The following ZDHHC2 variants were observed in gnomAD, a reference collection of about 807,000 sequenced individuals.
ZDHHC2 encodes palmitoyltransferase ZDHHC2.
In ZDHHC2, 51 loss-of-function variants were observed where a neutral mutation model predicts 55.6. The observed-to-expected ratio is 0.92, with a 90% CI of 0.73 to 1.16. The LOEUF (loss-of-function observed/expected upper bound fraction) is 1.16. ZDHHC2 is among the 50% of genes most tolerant of loss of function. ZDHHC2 has a pLI of 0.00. For synonymous variants in ZDHHC2, 199 were observed against 152.9 expected (o/e 1.30, Z -2.22); for missense variants, 491 against 442.4 (o/e 1.11, Z -0.99).
intron 6 of ZDHHC2, among the ~76,000 whole-genome samples, chr8:17,200,922 C>G (rs1020480287): frequency 2.6e-5 from 4 of 152,206 alleles, no homozygotes; most frequent in Admixed American, 6.5e-5. Context: ...GCGGCATCCA[C>G]TGTCTCCACC....
chr8:17,222,424 A>G lies in ZDHHC2; in HGVS notation c.*2203A>G, dbSNP rs1460195125. 2 of 151,862 alleles carry G rather than the reference A, an allele frequency of 1.3e-5. No homozygotes were observed. Among genetic ancestry groups the G allele is most frequent in the Non-Finnish European group, 2.9e-5 (2 of 67,798 alleles). The allele number at this position is 151,862 out of a possible 1,614,324, so 9.4% of individuals were successfully genotyped here. A position where few individuals can be genotyped will look rare whatever the true frequency, so the allele number is the denominator to read the frequency against. On this transcript the variant is annotated 3_prime_UTR_variant, in exon 13 of 13. Coordinates refer to ENST00000262096, the MANE Select transcript of ZDHHC2 (RefSeq NM_016353.5). ...ATTTACCTTTAAGTATTTACTTTAA[A>G]AAATTTAATGGCTTAACTCGAACTT...
chr8:17,168,935 G>A (rs1804730603), intron 1 of ZDHHC2, among the ~76,000 whole-genome samples: 1 of 152,118 alleles, frequency 6.6e-6, no homozygotes, highest in African/African-American at 2.4e-5. Flanking sequence ...TCCATTAATG[G>A]GGGTTTGAGT....
Position 17,217,165 on chromosome 8 carries a change from C to A in ZDHHC2, c.1064-7C>A, listed in dbSNP as rs768824237. On this transcript the variant is annotated splice_polypyrimidine_tract_variant and splice_region_variant and intron_variant, in intron 11 of 12. Coordinates refer to ENST00000262096, the MANE Select transcript of ZDHHC2 (RefSeq NM_016353.5). Reference sequence around the variant, plus strand: ...CCAAAAATGCTAACTTATGTGCTTTCATTAAGGTATGAGCAATCCTGCATT... The same window carrying A: ...CCAAAAATGCTAACTTATGTGCTTTAATTAAGGTATGAGCAATCCTGCATT... 3 of 1,610,582 alleles carry A rather than the reference C, an allele frequency of 1.9e-6. No individual in the cohort carries two copies. The highest frequency in any genetic ancestry group is 2.7e-5 in the African/African-American group (2 of 74,860).
At chr8:17,190,608 C>T (rs756452142) in intron 3 of ZDHHC2, among the ~76,000 whole-genome samples, 4 of 151,752 alleles carry the variant, frequency 2.6e-5, no homozygotes, top group East Asian at 1.9e-4. Flanking sequence ...GTAATACAAC[C>T]GCACTAAATT....
intron 6 of ZDHHC2, among the ~76,000 whole-genome samples, chr8:17,203,475 C>G (rs1806917689): frequency 6.6e-6 from 1 of 152,154 alleles, no homozygotes; most frequent in Non-Finnish European, 1.5e-5. Context: ...CTCAGGCGAT[C>G]TGCCTGCCTC....
intron 2 of ZDHHC2, among the ~76,000 whole-genome samples, chr8:17,185,046 G>T (rs921309902): frequency 1.3e-5 from 2 of 152,266 alleles, no homozygotes; most frequent in Middle Eastern, 3.4e-3. Flanking sequence ...AGGCTTTGAG[G>T]TATAGGGATA....
intron 7 of ZDHHC2, among the ~76,000 whole-genome samples, chr8:17,207,751 A>T (rs1807173462): frequency 6.6e-6 from 1 of 151,978 alleles, no homozygotes; most frequent in Non-Finnish European, 1.5e-5. Context: ...TTTTAATATC[A>T]TTTTCATATA....
At chr8:17,176,297 C>A (rs1469048541) in intron 1 of ZDHHC2, among the ~76,000 whole-genome samples, 1 of 151,784 alleles carries the variant, frequency 6.6e-6, no homozygotes. Context: ...AAACTGAAAA[C>A]CCTGTGTTTG....
chr8:17,162,125 G>A (rs1179255867), intron 1 of ZDHHC2, among the ~76,000 whole-genome samples: 1 of 152,202 alleles, frequency 6.6e-6, no homozygotes, highest in African/African-American at 2.4e-5. Context: ...TCTGCTTAAT[G>A]CTTTTTTGGT....
rs1454074865 is a variant in ZDHHC2, at chr8:17,224,539, AATT to A, written c.*4323_*4325del. Reference sequence around the variant, plus strand: ...GTACAAGGAGCTGAATCCTACCTGAAATTATTAATGCTTAATATATTGCTTCTG... The same window carrying A: ...GTACAAGGAGCTGAATCCTACCTGAAATTAATGCTTAATATATTGCTTCTG... On this transcript the variant is annotated 3_prime_UTR_variant, in exon 13 of 13. Transcript: ENST00000262096. The A allele has an allele frequency of 1.3e-5, 2 of 151,770 alleles. No individual in the cohort carries two copies. Among genetic ancestry groups the A allele is most frequent in the Admixed American group, 6.6e-5 (1 of 15,206 alleles). 9.4% of individuals were successfully genotyped at this position (151,770 alleles called of 1,614,324 possible). A position where few individuals can be genotyped will look rare whatever the true frequency, so the allele number is the denominator to read the frequency against.
At position 17,210,406 on chromosome 8, in the gene ZDHHC2, C is replaced by T; in HGVS notation, c.876C>T (p.Ser292=). Residue 292 remains serine, a synonymous_variant, in exon 10 of 13, where the codon TCC becomes TCT. Coordinates refer to ENST00000262096, the MANE Select transcript of ZDHHC2 (RefSeq NM_016353.5). Reference sequence around the variant, plus strand: ...ATTCTAGTCTAGGTGATGGCTGCTCCTTTCCAACTTGCCTTGTTAACCAGG... The same window carrying T: ...ATTCTAGTCTAGGTGATGGCTGCTCTTTTCCAACTTGCCTTGTTAACCAGG... ...PIFSSLGDGC[S]FPTCLVNQDP... 6.2e-7 allele frequency: 1 copy of T among 1,613,314 alleles called. No homozygotes were observed. Among genetic ancestry groups the T allele is most frequent in the Non-Finnish European group, 8.5e-7 (1 of 1,179,600 alleles).
At chr8:17,175,956 G>A (rs1805105131) in intron 1 of ZDHHC2, among the ~76,000 whole-genome samples, 1 of 152,182 alleles carries the variant, frequency 6.6e-6, no homozygotes. Flanking sequence ...AGCTCAGTGT[G>A]GCTGCAGCTT....
intron 12 of ZDHHC2, among the ~76,000 whole-genome samples, chr8:17,218,783 T>A (rs1807767852): frequency 6.6e-6 from 1 of 152,222 alleles, no homozygotes; most frequent in African/African-American, 2.4e-5. Flanking sequence ...ATTCTATCGA[T>A]ACAACCAGTT....
chr8:17,188,498 G>T (rs1473289202), intron 3 of ZDHHC2, among the ~76,000 whole-genome samples: 1 of 152,020 alleles, frequency 6.6e-6, no homozygotes, highest in African/African-American at 2.4e-5. Context: ...CTTTCTCATG[G>T]AAATAATATA....
chr8:17,215,686 A>G (rs946239254), intron 11 of ZDHHC2, among the ~76,000 whole-genome samples: 3 of 152,222 alleles, frequency 2.0e-5, no homozygotes, highest in Non-Finnish European at 4.4e-5. Flanking sequence ...TAGAAGATAA[A>G]TATCTACTGA....
At chr8:17,163,710 A>G (rs1475453189) in intron 1 of ZDHHC2, among the ~76,000 whole-genome samples, 2 of 152,186 alleles carry the variant, frequency 1.3e-5, no homozygotes, top group South Asian at 2.1e-4. Context: ...ATGAGTGTAG[A>G]AATTCTGTCT....
At chr8:17,218,551 A>G (rs1357790739) in intron 12 of ZDHHC2, among the ~76,000 whole-genome samples, 13 of 152,326 alleles carry the variant, frequency 8.5e-5, no homozygotes, top group African/African-American at 2.9e-4. Context: ...CAATACCAGT[A>G]TTGTGGTTAT....
intron 12 of ZDHHC2, among the ~76,000 whole-genome samples, 182 bp from the exon 13 acceptor site, chr8:17,220,074 A>T (rs1436404197): frequency 6.6e-6 from 1 of 152,038 alleles, no homozygotes; most frequent in Admixed American, 6.6e-5. Context: ...TCGTATATGC[A>T]TATTAAAGTT....
chr8:17,169,790 T>C (rs1804766202), intron 1 of ZDHHC2, among the ~76,000 whole-genome samples: 1 of 152,180 alleles, frequency 6.6e-6, no homozygotes, highest in Admixed American at 6.5e-5. Context: ...AGATGCAGTT[T>C]ACACATGGAG....
Sources: allele counts gnomAD v4.1 joint callset (sites outside exome capture counted in the v4.1 genomes callset), GRCh38; gene constraint gnomAD v4.1.1; transcripts MANE v1.5; gene names NCBI Gene and HGNC (gene_info 2026-07-23, HGNC 2026-07-21).